TMEM132D: variants seen among roughly 807,000 people sequenced by gnomAD.
The protein encoded by TMEM132D is transmembrane protein 132D.
In TMEM132D, 21 loss-of-function variants were observed where a neutral mutation model predicts 62.3. The observed-to-expected ratio is 0.34, with a 90% CI of 0.24 to 0.49. TMEM132D has a LOEUF of 0.49. Ranked by LOEUF, TMEM132D falls within the 20% of genes least tolerant of loss-of-function variation. The probability of loss-of-function intolerance (pLI) is 0.99; values close to 1 mark genes in which losing one functional copy is unlikely to be tolerated. For missense variants in TMEM132D, 1,346 were observed against 1,402.8 expected (o/e 0.96, Z 0.65); for synonymous variants, 621 against 575.6 (o/e 1.08, Z -1.13).
At chr12:129,232,728 C>T (rs1305434081) in intron 4 of TMEM132D, among the ~76,000 whole-genome samples, 4 of 152,032 alleles carry the variant, frequency 2.6e-5, no homozygotes, top group South Asian at 4.2e-4. Context: ...TTTTTATTAA[C>T]AAATAGTTCC....
At chr12:129,317,491 G>A (rs2135640594) in intron 4 of TMEM132D, among the ~76,000 whole-genome samples, 1 of 152,288 alleles carries the variant, frequency 6.6e-6, no homozygotes, top group East Asian at 1.9e-4. Context: ...CTAGCTTATA[G>A]GGTTTCTGCT....
intron 5 of TMEM132D, among the ~76,000 whole-genome samples, chr12:129,164,814 T>G (rs1219054308): frequency 3.9e-5 from 6 of 152,154 alleles, no homozygotes; most frequent in Non-Finnish European, 8.8e-5. Flanking sequence ...CACATAGGGA[T>G]TTTTGGGATT....
intron 1 of TMEM132D, among the ~76,000 whole-genome samples, chr12:129,813,117 T>C (rs1872237273): frequency 6.6e-6 from 1 of 151,854 alleles, no homozygotes; most frequent in Non-Finnish European, 1.5e-5. Flanking sequence ...CTCCCACTTT[T>C]TCATTCAATC....
chr12:129,233,357 T>C (rs766453817), intron 4 of TMEM132D, among the ~76,000 whole-genome samples: 1 of 152,178 alleles, frequency 6.6e-6, no homozygotes, highest in Non-Finnish European at 1.5e-5. Context: ...CCCTGAGTTA[T>C]TCTTCCTTCC....
chr12:129,545,488 T>C (rs1328501686), intron 2 of TMEM132D, among the ~76,000 whole-genome samples: 2 of 152,228 alleles, frequency 1.3e-5, no homozygotes, highest in Non-Finnish European at 1.5e-5. Flanking sequence ...ATGAGATCTA[T>C]GCCTTAGACA....
At chr12:129,774,158 A>T (rs1870844191) in intron 1 of TMEM132D, among the ~76,000 whole-genome samples, 1 of 152,152 alleles carries the variant, frequency 6.6e-6, no homozygotes, top group Non-Finnish European at 1.5e-5. Context: ...GTGTTGCCTG[A>T]CCAGGGGTGT....
intron 3 of TMEM132D, among the ~76,000 whole-genome samples, chr12:129,338,468 AG>A (rs1869362943): frequency 1.3e-5 from 2 of 152,210 alleles, no homozygotes; most frequent in South Asian, 4.1e-4. Context: ...AAATCCACCT[AG>A]GACTTTCTGG....
At position 129,371,533 on chromosome 12, in the gene TMEM132D, A is replaced by G. The variant is rs1160752474; in HGVS notation, c.1116-33716T>C. On this transcript the variant is annotated intron_variant, in intron 3 of 8. Coordinates refer to ENST00000422113, the MANE Select transcript of TMEM132D (RefSeq NM_133448.3). The surrounding 1 kb of genome is among the most constrained non-coding windows in gnomAD (Gnocchi z 4.3). ...GATAATGGTGGTGATTATGATGATGATTATGATGATGATGATGATGATGGC... is the reference window on the plus strand; with the variant it reads ...GATAATGGTGGTGATTATGATGATGGTTATGATGATGATGATGATGATGGC... 6.6e-6 allele frequency among the ~76,000 whole-genome samples: 1 copy of G among 151,630 alleles called. No homozygotes were observed. Among genetic ancestry groups the G allele is most frequent in the Non-Finnish European group, 1.5e-5 (1 of 67,906 alleles).
intron 1 of TMEM132D, among the ~76,000 whole-genome samples, chr12:129,715,457 C>G (rs1376079062): frequency 1.3e-5 from 2 of 152,180 alleles, no homozygotes. Context: ...AAAACTGATG[C>G]ACACCTTTCT....
At chr12:129,205,902 A>G (rs886279443) in intron 5 of TMEM132D, among the ~76,000 whole-genome samples, 1 of 152,118 alleles carries the variant, frequency 6.6e-6, no homozygotes, top group African/African-American at 2.4e-5. Context: ...AAGTTAAACA[A>G]CCTACTCCTG....
intron 5 of TMEM132D, among the ~76,000 whole-genome samples, chr12:129,098,990 C>A (rs1593260215): frequency 6.6e-6 from 1 of 152,150 alleles, no homozygotes; most frequent in South Asian, 2.1e-4. Flanking sequence ...AAAACAATGG[C>A]CTCTGGTGCC....
chr12:129,103,588 C>A (rs1875387212), intron 5 of TMEM132D, among the ~76,000 whole-genome samples: 2 of 152,214 alleles, frequency 1.3e-5, no homozygotes, highest in Non-Finnish European at 2.9e-5. Flanking sequence ...TCCAGAGTGT[C>A]ACCCAGGCCT....
At chr12:129,809,499 G>A (rs1010711023) in intron 1 of TMEM132D, among the ~76,000 whole-genome samples, 5 of 151,916 alleles carry the variant, frequency 3.3e-5, no homozygotes, top group African/African-American at 1.2e-4. Flanking sequence ...GTCTGGGCTG[G>A]AAGGTAACCT....
rs1005812212 is a variant in TMEM132D, at chr12:129,371,366, GTGA to G, written c.1116-33552_1116-33550del. On this transcript the variant is annotated intron_variant, in intron 3 of 8. Coordinates refer to ENST00000422113, the MANE Select transcript of TMEM132D (RefSeq NM_133448.3). The surrounding 1 kb of genome is among the most constrained non-coding windows in gnomAD (Gnocchi z 4.3). ...TTATAATGATGGTGACAATAATGATGTGATGATGGTGATGATGAATGATGATGG... is the reference window on the plus strand; with the variant it reads ...TTATAATGATGGTGACAATAATGATGTGATGGTGATGATGAATGATGATGG... Among the ~76,000 whole-genome samples, 9 of 151,742 alleles carry G rather than the reference GTGA, an allele frequency of 5.9e-5. No homozygotes were observed. The highest frequency in any genetic ancestry group is 2.2e-4 in the African/African-American group (9 of 41,286).
intron 5 of TMEM132D, among the ~76,000 whole-genome samples, chr12:129,178,245 T>A (rs1233570934): frequency 6.6e-6 from 1 of 152,178 alleles, no homozygotes. Flanking sequence ...TGTGCATGTA[T>A]CTTTATAAGG....
chr12:129,384,096 G>T (rs75325289), intron 3 of TMEM132D, among the ~76,000 whole-genome samples: 2,375 of 152,284 alleles, frequency 0.016, 61 homozygotes, highest in African/African-American at 0.054. Flanking sequence ...TCCGAAGGCT[G>T]GAACAACACA....
At chr12:129,219,947 CT>C (rs1879307563) in intron 4 of TMEM132D, among the ~76,000 whole-genome samples, 1 of 152,172 alleles carries the variant, frequency 6.6e-6, no homozygotes, top group Non-Finnish European at 1.5e-5. Flanking sequence ...TTCTTACTCT[CT>C]TCCTGGTGTG....
At position 129,121,319 on chromosome 12, in the gene TMEM132D, C is replaced by T. The variant is rs1041490658; in HGVS notation, c.1444-36617G>A. ...ACATGTTGGCCAGGCTGGTCTCAAA[C>T]TCCTGACCTCAGGTGACCCACCCCC... On this transcript the variant is annotated intron_variant, in intron 5 of 8. Transcript: ENST00000422113. 2.0e-5 allele frequency among the ~76,000 whole-genome samples: 3 copies of T among 152,274 alleles called. No individual in the cohort carries two copies. The East Asian group carries it at 5.8e-4, about 29-fold the overall frequency.
chr12:129,779,419 G>A lies in TMEM132D; in HGVS notation c.80-78721C>T, dbSNP rs1871049050. Among the ~76,000 whole-genome samples, 1 of 152,088 alleles carries A rather than the reference G, an allele frequency of 6.6e-6. No homozygotes were observed. Among genetic ancestry groups the A allele is most frequent in the African/African-American group, 2.4e-5 (1 of 41,412 alleles). ...TCCTCCCACCTCAGCCTCCCAAGTA[G>A]CAGGAACTGCAGGTGTCCACCCACC... On this transcript the variant is annotated intron_variant, in intron 1 of 8. Transcript: ENST00000422113. The surrounding 1 kb of genome is among the most constrained non-coding windows in gnomAD (Gnocchi z 4.1).
Sources: gnomAD v4.1 joint callset for allele counts (sites outside exome capture counted in the v4.1 genomes callset) on GRCh38, gnomAD v4.1.1 for gene constraint, Gnocchi (gnomAD v3.1) non-coding constraint, MANE v1.5 for transcripts, NCBI Gene and HGNC (gene_info 2026-07-23, HGNC 2026-07-21) for gene names.